Variants in UBE2E2 observed in about 807,000 individuals in gnomAD.
UBE2E2 encodes ubiquitin-conjugating enzyme E2 E2.
In UBE2E2, 6 loss-of-function variants were observed where a neutral mutation model predicts 24.7. The observed-to-expected ratio is 0.24, with a 90% CI of 0.13 to 0.48. The LOEUF is 0.48. UBE2E2 is among the 20% of genes least tolerant of loss of function. The pLI, the probability that UBE2E2 is intolerant of heterozygous loss-of-function variation, is 0.99. For missense variants in UBE2E2, 169 were observed against 245.0 expected (o/e 0.69, Z 2.07); for synonymous variants, 104 against 83.6 (o/e 1.24, Z -1.33).
At chr3:23,246,947 T>C (rs1697426532) in intron 3 of UBE2E2, among the ~76,000 whole-genome samples, 1 of 152,104 alleles carries the variant, frequency 6.6e-6, no homozygotes. Context: ...TCTCCTGAGC[T>C]CAAGGGTTCT....
intron 3 of UBE2E2, among the ~76,000 whole-genome samples, chr3:23,312,645 T>C (rs567887773): frequency 2.6e-5 from 4 of 152,194 alleles, no homozygotes; most frequent in Non-Finnish European, 2.9e-5. Flanking sequence ...CTCTGATCTT[T>C]ATAATTTCTT....
intron 3 of UBE2E2, among the ~76,000 whole-genome samples, chr3:23,301,166 A>G (rs956508792): frequency 1.3e-5 from 2 of 152,008 alleles, no homozygotes; most frequent in Admixed American, 1.3e-4. Context: ...TGCATTAGTT[A>G]TTCTAGTTAT....
intron 3 of UBE2E2, among the ~76,000 whole-genome samples, chr3:23,326,065 C>A (rs1158309568): frequency 1.3e-5 from 2 of 152,050 alleles, no homozygotes; most frequent in African/African-American, 2.4e-5. Flanking sequence ...GCTTTGTAAT[C>A]TTTTATTTTT....
intron 3 of UBE2E2, among the ~76,000 whole-genome samples, chr3:23,253,219 A>T (rs1250612462): frequency 1.3e-5 from 2 of 152,232 alleles, no homozygotes; most frequent in Admixed American, 1.3e-4. Context: ...AAATGCTTTT[A>T]AAAAGTATGT....
intron 3 of UBE2E2, among the ~76,000 whole-genome samples, chr3:23,464,781 A>G (rs1033411761): frequency 2.0e-5 from 3 of 152,204 alleles, no homozygotes; most frequent in African/African-American, 7.2e-5. Context: ...CAAAATGTGA[A>G]CAGTTCTTGT....
At chr3:23,402,371 G>GTA (rs1697248157) in intron 3 of UBE2E2, among the ~76,000 whole-genome samples, 2 of 152,162 alleles carry the variant, frequency 1.3e-5, no homozygotes, top group African/African-American at 4.8e-5. Context: ...GCCGGAGGAA[G>GTA]TATATCAACA....
At chr3:23,354,022 C>T (rs1398241911) in intron 3 of UBE2E2, among the ~76,000 whole-genome samples, 1 of 152,210 alleles carries the variant, frequency 6.6e-6, no homozygotes, top group African/African-American at 2.4e-5. Context: ...CAGCATGGTA[C>T]TGGTACCAAA....
At chr3:23,399,728 T>C (rs982564554) in intron 3 of UBE2E2, among the ~76,000 whole-genome samples, 3 of 152,224 alleles carry the variant, frequency 2.0e-5, no homozygotes, top group Non-Finnish European at 4.4e-5. Flanking sequence ...AATTTAAATA[T>C]TTACAAAATC....
chr3:23,562,497 C>T (rs1446108281), intron 5 of UBE2E2, among the ~76,000 whole-genome samples: 2 of 151,974 alleles, frequency 1.3e-5, no homozygotes, highest in African/African-American at 4.8e-5. Flanking sequence ...ATTTTTGCAT[C>T]GATGTTCATC....
chr3:23,257,091 C>T (rs953252229), intron 3 of UBE2E2, among the ~76,000 whole-genome samples: 4 of 152,204 alleles, frequency 2.6e-5, no homozygotes, highest in African/African-American at 9.7e-5. Context: ...ATTCTTTTCT[C>T]TGGATGGATG....
intron 3 of UBE2E2, among the ~76,000 whole-genome samples, chr3:23,319,635 A>T (rs1694687669): frequency 6.6e-6 from 1 of 151,666 alleles, no homozygotes; most frequent in Admixed American, 6.6e-5. Flanking sequence ...CAACATTGTG[A>T]AATCCCGTCT....
At chr3:23,502,787 A>G (rs1055285700) in intron 4 of UBE2E2, among the ~76,000 whole-genome samples, 5 of 152,194 alleles carry the variant, frequency 3.3e-5, no homozygotes, top group Non-Finnish European at 7.3e-5. Context: ...TTTCAGTACA[A>G]TTTTTAGTAC....
chr3:23,307,132 T>C (rs1699258193), intron 3 of UBE2E2, among the ~76,000 whole-genome samples: 1 of 152,202 alleles, frequency 6.6e-6, no homozygotes, highest in Non-Finnish European at 1.5e-5. Flanking sequence ...TTGGAAATGG[T>C]GCCCACATTT....
chr3:23,325,802 A>T (rs1463930164), intron 3 of UBE2E2, among the ~76,000 whole-genome samples: 2 of 152,240 alleles, frequency 1.3e-5, no homozygotes, highest in African/African-American at 4.8e-5. Flanking sequence ...CATTATAAAA[A>T]TAACTAGGGA....
intron 3 of UBE2E2, among the ~76,000 whole-genome samples, chr3:23,339,456 A>T (rs1695321594): frequency 6.6e-6 from 1 of 152,154 alleles, no homozygotes; most frequent in Non-Finnish European, 1.5e-5. Context: ...TACTGTGGTT[A>T]TATAAGATGT....
chr3:23,339,035 T>C (rs1027708170), intron 3 of UBE2E2, among the ~76,000 whole-genome samples: 1 of 152,144 alleles, frequency 6.6e-6, no homozygotes, highest in African/African-American at 2.4e-5. Flanking sequence ...GTGGAGAAAA[T>C]GGACATCTTC....
chr3:23,425,428 C>A lies in UBE2E2; in HGVS notation c.228-74180C>A, dbSNP rs180931767. 1.2e-4 allele frequency among the ~76,000 whole-genome samples: 19 copies of A among 152,294 alleles called. No individual in the cohort carries two copies. In the East Asian group the frequency reaches 3.7e-3, roughly 29 times the overall value. On this transcript the variant is annotated intron_variant, in intron 3 of 5. Coordinates refer to ENST00000396703, the MANE Select transcript of UBE2E2 (RefSeq NM_152653.4). ...TTTGTTAATTTAAAAAATTAGACTT[C>A]TAGTTTCCAGACTAGCATGTAAGGA... is the stretch of plus-strand genomic sequence containing the variant.
intron 3 of UBE2E2, among the ~76,000 whole-genome samples, chr3:23,359,074 G>T (rs890390176): frequency 6.6e-6 from 1 of 152,128 alleles, no homozygotes; most frequent in African/African-American, 2.4e-5. Flanking sequence ...TCTCATTGCC[G>T]TTTTTGACTA....
intron 2 of UBE2E2, 21 bp downstream of exon 2, chr3:23,208,896 T>A (rs1387609501): frequency 2.0e-5 from 31 of 1,572,392 alleles, no homozygotes; most frequent in Non-Finnish European, 2.7e-5. Context: ...TATTATAACC[T>A]TTTTATTGTT....
Sources: allele counts gnomAD v4.1 joint callset (sites outside exome capture counted in the v4.1 genomes callset), GRCh38; gene constraint gnomAD v4.1.1; transcripts MANE v1.5; gene names NCBI Gene and HGNC (gene_info 2026-07-23, HGNC 2026-07-21).